MRTFB: variants seen among roughly 807,000 people sequenced by gnomAD.
MRTFB encodes myocardin related transcription factor B.
A neutral mutation model predicts 104.2 loss-of-function variants in MRTFB; 29 were observed. The observed-to-expected ratio is 0.28, with a 90% CI of 0.21 to 0.38. The LOEUF is 0.38. MRTFB is among the 10% of genes least tolerant of loss of function. MRTFB has a pLI of 1.00. For missense variants in MRTFB, 1,270 were observed against 1,341.6 expected, an observed-to-expected ratio of 0.95 and a Z score of 0.83; for synonymous variants, 535 against 519.5, an observed-to-expected ratio of 1.03 and a Z score of -0.41.
chr16:14,077,509 T>C (rs1162745026), intron 1 of MRTFB, among the ~76,000 whole-genome samples: 1 of 123,978 alleles, frequency 8.1e-6, no homozygotes, highest in Non-Finnish European at 1.7e-5. Flanking sequence ...TAGTTTCCCC[T>C]TGTTGCTTTT....
the MRTFB span, among the ~76,000 whole-genome samples, chr16:14,060,620 A>G: frequency 1.3e-5 from 2 of 152,090 alleles, no homozygotes; most frequent in African/African-American, 2.4e-5. Context: ...TTGGCAGTGC[A>G]ACAGAATCAC....
At chr16:14,101,954 C>G (rs990030543) in intron 2 of MRTFB, among the ~76,000 whole-genome samples, 26 of 151,958 alleles carry the variant, frequency 1.7e-4, no homozygotes, top group African/African-American at 6.0e-4. Context: ...CAATTTAAAT[C>G]AAGGTACTAT....
At chr16:14,139,398 G>T (rs1385290708) in intron 2 of MRTFB, among the ~76,000 whole-genome samples, 2 of 152,158 alleles carry the variant, frequency 1.3e-5, no homozygotes, top group Non-Finnish European at 2.9e-5. Flanking sequence ...AAATGGAAAA[G>T]ACTGACCATA....
chr16:13,995,336 C>T, the MRTFB span, among the ~76,000 whole-genome samples: 1 of 151,994 alleles, frequency 6.6e-6, no homozygotes, highest in African/African-American at 2.4e-5. Flanking sequence ...TGATAAGGAC[C>T]AGGAGCCATG....
At chr16:14,180,703 A>G (rs1212699638) in intron 3 of MRTFB, among the ~76,000 whole-genome samples, 1 of 152,206 alleles carries the variant, frequency 6.6e-6, no homozygotes, top group East Asian at 1.9e-4. Context: ...CCTCAGTCCG[A>G]GCACAGGCCT....
At chr16:14,067,341 A>G (rs1399477964), upstream of MRTFB, among the ~76,000 whole-genome samples, 1 of 151,130 alleles carries the variant, frequency 6.6e-6, no homozygotes, top group Non-Finnish European at 1.5e-5. Context: ...TTATGCCTCA[A>G]CCTCCAGAGA....
chr16:14,200,843 T>C (rs2040668391), intron 3 of MRTFB: 1 of 1,462,960 alleles, frequency 6.8e-7, no homozygotes, highest in Non-Finnish European at 9.6e-7. Context: ...GGTGTGGTGC[T>C]ACAAGGTGCC....
chr16:14,089,705 AC>A (rs2034936078), intron 2 of MRTFB, among the ~76,000 whole-genome samples: 1 of 152,126 alleles, frequency 6.6e-6, no homozygotes, highest in South Asian at 2.1e-4. Flanking sequence ...GAAATGCCCA[AC>A]TGTTTTCCAA....
In MRTFB at chr16:14,261,298, T is replaced by C; in HGVS notation, c.3154T>C (p.Ser1052Pro). ...TACTCCCTGTCTGTCTCTCGACCTGTCAGACTCAAACTTGGACAACATGGA... is the reference window on the plus strand; with the variant it reads ...TACTCCCTGTCTGTCTCTCGACCTGCCAGACTCAAACTTGGACAACATGGA... ...AGTPCLSLDL[S>P]DSNLDNMEWL... Residue 1052 changes from serine to proline, a missense_variant, in exon 17 of 17, where the codon TCA (serine) becomes CCA (proline). This residue lies in a region of MRTFB where 1,144 missense variants were observed against 1,131.5 expected (regional missense o/e 1.01). Coordinates refer to ENST00000571589, the MANE Select transcript of MRTFB (RefSeq NM_001308142.2). 2 of 1,614,128 alleles carry C rather than the reference T, an allele frequency of 1.2e-6. No individual in the cohort carries two copies. The highest frequency in any genetic ancestry group is 1.7e-6 in the Non-Finnish European group (2 of 1,180,020).
intron 3 of MRTFB, among the ~76,000 whole-genome samples, chr16:14,205,502 C>G (rs917970254): frequency 6.6e-6 from 1 of 152,186 alleles, no homozygotes; most frequent in Non-Finnish European, 1.5e-5. Flanking sequence ...ATCTGTCCCC[C>G]TTTTTTGATA....
At chr16:14,224,916 G>A (rs1416993768) in intron 8 of MRTFB, among the ~76,000 whole-genome samples, 4 of 152,184 alleles carry the variant, frequency 2.6e-5, no homozygotes, top group African/African-American at 9.7e-5. Flanking sequence ...TGGGCACGGT[G>A]GCTTACACCT....
At chr16:14,146,939 C>T (rs975862223) in intron 3 of MRTFB, among the ~76,000 whole-genome samples, 1 of 152,170 alleles carries the variant, frequency 6.6e-6, no homozygotes. Flanking sequence ...GTGTCATAAA[C>T]GAGCAGGAAA....
chr16:14,227,261 C>T (rs537791957), intron 8 of MRTFB, among the ~76,000 whole-genome samples: 1 of 150,784 alleles, frequency 6.6e-6, no homozygotes, highest in African/African-American at 2.5e-5. Flanking sequence ...CATTAGTTCC[C>T]GTGAGAGCTT....
At chr16:14,260,860 A>T (rs750850837) in intron 16 of MRTFB, 49 bp from the exon 17 acceptor site, 7 of 1,480,044 alleles carry the variant, frequency 4.7e-6, no homozygotes, top group Non-Finnish European at 3.7e-6. Context: ...AAAAATTTTT[A>T]AGTAGTAGTA....
At chr16:14,012,353 C>T in the MRTFB span, among the ~76,000 whole-genome samples, 41 of 132,078 alleles carry the variant, frequency 3.1e-4, 1 homozygote, top group African/African-American at 1.2e-3. Context: ...GGCTGGAGTG[C>T]AGTGGTGGAA....
the MRTFB span, among the ~76,000 whole-genome samples, chr16:14,048,725 G>T: frequency 6.6e-6 from 1 of 152,216 alleles, no homozygotes; most frequent in Non-Finnish European, 1.5e-5. Flanking sequence ...AAGTCACAAG[G>T]TTGAGACTTA....
chr16:14,047,209 C>T, the MRTFB span, among the ~76,000 whole-genome samples: 2 of 152,216 alleles, frequency 1.3e-5, no homozygotes, highest in African/African-American at 2.4e-5. Context: ...GTGGCTTAAA[C>T]CCCAGGGCTT....
At chr16:14,123,517 A>G (rs1049396010) in intron 2 of MRTFB, among the ~76,000 whole-genome samples, 4 of 152,206 alleles carry the variant, frequency 2.6e-5, no homozygotes, top group South Asian at 2.1e-4. Context: ...AGTTTTCCCA[A>G]CACCATTTAT....
At chr16:14,087,450 G>A (rs2034787457) in intron 2 of MRTFB, among the ~76,000 whole-genome samples, 1 of 152,144 alleles carries the variant, frequency 6.6e-6, no homozygotes, top group Non-Finnish European at 1.5e-5. Context: ...TTGCTGCAGA[G>A]TCTAGGCTAC....
Sources: allele counts gnomAD v4.1 joint callset (sites outside exome capture counted in the v4.1 genomes callset), GRCh38; gene constraint gnomAD v4.1.1; regional missense constraint gnomAD v4.1.1; transcripts MANE v1.5; gene names NCBI Gene and HGNC (gene_info 2026-07-23, HGNC 2026-07-21).